Variants in TIAM2 observed in about 807,000 individuals in gnomAD.
The protein encoded by TIAM2 is TIAM Rac1 associated GEF 2, also known as rho guanine nucleotide exchange factor TIAM2.
Under a neutral mutation model 152.9 loss-of-function variants are expected in TIAM2, and 80 were observed. The ratio of observed to expected loss-of-function variants is 0.52; its 90% confidence interval spans 0.44 to 0.63. The LOEUF (loss-of-function observed/expected upper bound fraction) is 0.63, where lower values mean the gene tolerates loss of function less well. Ranked by LOEUF, TIAM2 falls within the 30% of genes least tolerant of loss-of-function variation. The probability of loss-of-function intolerance (pLI) is 0.00; values close to 1 mark genes in which losing one functional copy is unlikely to be tolerated. For synonymous variants in TIAM2, 804 were observed against 838.0 expected (o/e 0.96, Z 0.70); for missense variants, 1,965 against 2,120.1 (o/e 0.93, Z 1.44).
intron 2 of TIAM2, among the ~76,000 whole-genome samples, chr6:155,108,490 G>A (rs1425842537): frequency 6.6e-6 from 1 of 152,218 alleles, no homozygotes; most frequent in African/African-American, 2.4e-5. Context: ...TGGACAGAAA[G>A]TGAAGTCCAT....
intron 16 of TIAM2, among the ~76,000 whole-genome samples, chr6:155,240,953 T>C (rs770488966): frequency 2.0e-5 from 3 of 152,228 alleles, no homozygotes; most frequent in Non-Finnish European, 2.9e-5. Flanking sequence ...GCTTTCACTA[T>C]GGAAACAGAT....
At chr6:155,060,763 C>T (rs1391248379) in intron 1 of TIAM2, among the ~76,000 whole-genome samples, 6 of 152,074 alleles carry the variant, frequency 3.9e-5, no homozygotes, top group South Asian at 2.1e-4. Context: ...GGTGTGGTGG[C>T]GCATGCCTGT....
intron 14 of TIAM2, among the ~76,000 whole-genome samples, chr6:155,184,838 A>G (rs1780996950): frequency 6.6e-6 from 1 of 152,198 alleles, no homozygotes; most frequent in African/African-American, 2.4e-5. Context: ...ATTGGCATAT[A>G]AAAGTGAATG....
intron 14 of TIAM2, among the ~76,000 whole-genome samples, chr6:155,197,406 G>A (rs1562350636): frequency 6.6e-6 from 1 of 152,106 alleles, no homozygotes; most frequent in Non-Finnish European, 1.5e-5. Context: ...AAATGATTGA[G>A]GAAAAATGGG....
chr6:155,008,072 G>A (rs151332961), intron 1 of TIAM2, among the ~76,000 whole-genome samples: 2 of 152,116 alleles, frequency 1.3e-5, no homozygotes, highest in Admixed American at 6.6e-5. Context: ...TGTAATTGTC[G>A]ACCTTAAATA....
chr6:155,112,887 C>A (rs1475162083), intron 2 of TIAM2, among the ~76,000 whole-genome samples: 1 of 151,352 alleles, frequency 6.6e-6, no homozygotes, highest in Non-Finnish European at 1.5e-5. Flanking sequence ...TCCCCTACCA[C>A]CCCCCTCCCT....
At chr6:155,067,342 C>A (rs1339860455) in intron 1 of TIAM2, among the ~76,000 whole-genome samples, 4 of 152,158 alleles carry the variant, frequency 2.6e-5, no homozygotes. Context: ...GTTGGTTATA[C>A]TTAAGTTACC....
chr6:155,142,122 C>T (rs937217934), intron 5 of TIAM2, among the ~76,000 whole-genome samples: 2 of 152,078 alleles, frequency 1.3e-5, no homozygotes, highest in African/African-American at 2.4e-5. Context: ...CCCCCAGCAC[C>T]GGGGTGAATG....
intron 14 of TIAM2, among the ~76,000 whole-genome samples, chr6:155,204,763 A>G (rs1013069589): frequency 2.0e-5 from 3 of 152,206 alleles, no homozygotes; most frequent in Non-Finnish European, 2.9e-5. Flanking sequence ...CAGTCCGCAT[A>G]TTGAAGCACG....
chr6:155,038,718 A>T (rs1776965887), intron 1 of TIAM2, among the ~76,000 whole-genome samples: 1 of 152,134 alleles, frequency 6.6e-6, no homozygotes, highest in Non-Finnish European at 1.5e-5. Context: ...GAATTGCTTG[A>T]GGCCAGAAAT....
In TIAM2 at chr6:155,012,230, T is replaced by A. The variant is rs114882841; in HGVS notation, c.-209+16738T>A. 8.4e-3 allele frequency among the ~76,000 whole-genome samples: 1,285 copies of A among 152,298 alleles called. 22 individuals carry two copies. The highest frequency in any genetic ancestry group is 0.029 in the African/African-American group (1,208 of 41,550). On this transcript the variant is annotated intron_variant, in intron 1 of 26. Coordinates refer to ENST00000682666, the MANE Select transcript of TIAM2 (RefSeq NM_012454.4). ...TTCTCCACCCCTTGCGTTGTCATAT[T>A]TCATTTTGTACTGTACGGCCCACAT...
intron 1 of TIAM2, among the ~76,000 whole-genome samples, chr6:155,056,332 C>T (rs148686747): frequency 0.014 from 2,062 of 151,918 alleles, 22 homozygotes; most frequent in Non-Finnish European, 0.021. Flanking sequence ...CCACCATGCC[C>T]GGCTAATTTT....
Position 155,174,455 on chromosome 6 carries a change from C to T in TIAM2, c.2362-2361C>T, listed in dbSNP as rs538099693. Among the ~76,000 whole-genome samples the T allele has an allele frequency of 9.3e-4, 142 of 152,188 alleles. No individual in the cohort carries two copies. The highest frequency in any genetic ancestry group is 6.8e-3 in the Middle Eastern group (2 of 294). On this transcript the variant is annotated intron_variant, in intron 9 of 26. Coordinates refer to ENST00000682666, the MANE Select transcript of TIAM2 (RefSeq NM_012454.4). The surrounding 1 kb of genome is among the most constrained non-coding windows in gnomAD (Gnocchi z 4.2). The stretch of plus-strand genomic sequence containing the variant: ...GCACGATCTTGGCTCACTGCAACCT[C>T]TGCCTCCCAGGTTCAAGCTGTTCTC...
intron 2 of TIAM2, among the ~76,000 whole-genome samples, chr6:155,096,837 A>G (rs1378267548): frequency 1.3e-5 from 2 of 152,142 alleles, no homozygotes; most frequent in African/African-American, 2.4e-5. Flanking sequence ...TCTTTGATAT[A>G]TTGGTTTTCT....
chr6:155,155,839 A>T (rs1780093611), intron 7 of TIAM2, among the ~76,000 whole-genome samples: 1 of 152,230 alleles, frequency 6.6e-6, no homozygotes, highest in Admixed American at 6.5e-5. Flanking sequence ...TGTTCGGTGC[A>T]TACTCTGGGT....
intron 9 of TIAM2, among the ~76,000 whole-genome samples, chr6:155,169,817 C>T (rs1335532611): frequency 3.3e-5 from 5 of 150,476 alleles, no homozygotes; most frequent in African/African-American, 4.9e-5. Context: ...TTCTCCTCCA[C>T]CAAATAATTT....
chr6:155,005,157 TA>T (rs1778377337), intron 1 of TIAM2: 1 of 231,090 alleles, frequency 4.3e-6, no homozygotes, highest in Admixed American at 4.0e-5. Flanking sequence ...GAGGGAGGAG[TA>T]GCTCATCAGC....
At chr6:155,056,446 A>G (rs1777454810) in intron 1 of TIAM2, among the ~76,000 whole-genome samples, 1 of 152,130 alleles carries the variant, frequency 6.6e-6, no homozygotes, top group East Asian at 1.9e-4. Flanking sequence ...TGCTGGGATT[A>G]CAGGCGTGAG....
intron 1 of TIAM2, among the ~76,000 whole-genome samples, chr6:155,077,308 A>T (rs2114962013): frequency 6.6e-6 from 1 of 152,250 alleles, no homozygotes; most frequent in East Asian, 1.9e-4. Flanking sequence ...GGAAGCCTCA[A>T]TGCCCTAAAT....
Sources: allele counts gnomAD v4.1 joint callset (sites outside exome capture counted in the v4.1 genomes callset), GRCh38; gene constraint gnomAD v4.1.1; non-coding constraint Gnocchi (gnomAD v3.1); transcripts MANE v1.5; gene names NCBI Gene and HGNC (gene_info 2026-07-23, HGNC 2026-07-21).